GLMN: variants seen among roughly 807,000 people sequenced by gnomAD.
GLMN encodes the protein glomulin, FKBP associated protein, also known as glomulin.
A neutral mutation model predicts 87.8 loss-of-function variants in GLMN; 75 were observed. The observed-to-expected ratio is 0.85, with a 90% CI of 0.71 to 1.04. The LOEUF is 1.04. GLMN is among the 50% of genes least tolerant of loss of function. The pLI, the probability that GLMN is intolerant of heterozygous loss-of-function variation, is 0.00. For synonymous variants in GLMN, 206 were observed against 221.6 expected (o/e 0.93, Z 0.63); for missense variants, 588 against 658.8 (o/e 0.89, Z 1.18).
the GLMN span, among the ~76,000 whole-genome samples, chr1:92,328,566 ATTTC>A: frequency 6.6e-6 from 1 of 151,952 alleles, no homozygotes; most frequent in African/African-American, 2.4e-5. Flanking sequence ...GATTTGTTTG[ATTTC>A]TTTAAGTTGG....
chr1:92,277,615 A>C (rs1325549767), intron 7 of GLMN, among the ~76,000 whole-genome samples: 1 of 152,190 alleles, frequency 6.6e-6, no homozygotes, highest in Non-Finnish European at 1.5e-5. Flanking sequence ...CCAACGGTCA[A>C]TGATGTAATC....
At chr1:92,329,790 C>T in the GLMN span, among the ~76,000 whole-genome samples, 1 of 152,118 alleles carries the variant, frequency 6.6e-6, no homozygotes, top group African/African-American at 2.4e-5. Flanking sequence ...TGGATTTGGT[C>T]CTCCTAATAT....
the GLMN span, chr1:92,363,829 TTATTA>T: frequency 1.5e-5 from 4 of 259,328 alleles, no homozygotes; most frequent in Non-Finnish European, 2.3e-5. Flanking sequence ...CTAGCTTACT[TTATTA>T]TAAGGATCTA....
intron 4 of GLMN, among the ~76,000 whole-genome samples, chr1:92,290,546 T>C (rs1649288554): frequency 6.6e-6 from 1 of 152,228 alleles, no homozygotes; most frequent in South Asian, 2.1e-4. Flanking sequence ...TCAGGTTTCC[T>C]TTGAGCTTCA....
At chr1:92,322,569 C>CA in the GLMN span, among the ~76,000 whole-genome samples, 251 of 150,058 alleles carry the variant, frequency 1.7e-3, 1 homozygote, top group African/African-American at 5.7e-3. Context: ...AAATAAAATA[C>CA]AAAAAATAAA....
chr1:92,286,408 A>G lies in GLMN; in HGVS notation c.735+82T>C. 3 of 685,606 alleles carry G rather than the reference A, an allele frequency of 4.4e-6. No individual in the cohort carries two copies. In the South Asian group the frequency reaches 5.3e-5, roughly 12 times the overall value. 42.5% of individuals were successfully genotyped at this position (685,606 alleles called of 1,614,324 possible). On this transcript the variant is annotated intron_variant, in intron 7 of 18. Coordinates refer to ENST00000370360, the MANE Select transcript of GLMN (RefSeq NM_053274.3). ...AAAATACACATTTCTTTATTAATGAATGTATCAATTTACATGTGCAGTACT... is the reference window on the plus strand; with the variant it reads ...AAAATACACATTTCTTTATTAATGAGTGTATCAATTTACATGTGCAGTACT...
At chr1:92,313,711 C>G in the GLMN span, among the ~76,000 whole-genome samples, 4 of 152,216 alleles carry the variant, frequency 2.6e-5, no homozygotes, top group African/African-American at 9.6e-5. Flanking sequence ...TACTTCTCCT[C>G]TATAGCTATG....
rs774896447 is a variant in GLMN, at chr1:92,289,034, T to C, written c.512A>G (p.Tyr171Cys). 1.2e-6 allele frequency: 2 copies of C among 1,608,492 alleles called. No individual in the cohort carries two copies. Among genetic ancestry groups the C allele is most frequent in the East Asian group, 4.5e-5 (2 of 44,830 alleles). The change falls in exon 6 of 19, where the codon TAT becomes TGT. Residue 171 changes from tyrosine (Y) to cysteine (C), a missense_variant. By Grantham distance (194) the Tyr-to-Cys change is radical. Coordinates refer to ENST00000370360, the MANE Select transcript of GLMN (RefSeq NM_053274.3). ...YSKEQIQMDD[Y>C]GLCQCCKALI... Reference sequence around the variant, plus strand: ...GGCCTTGCAACACTGACAAAGGCCATAGTCATCCATTTGTATTTGTTCTTT... The same window carrying C: ...GGCCTTGCAACACTGACAAAGGCCACAGTCATCCATTTGTATTTGTTCTTT...
chr1:92,303,942 A>T, upstream of GLMN: 1 of 1,433,698 alleles, frequency 7.0e-7, no homozygotes, highest in Non-Finnish European at 9.7e-7. Context: ...TTTTCTATTA[A>T]ACTAGGAGGA....
chr1:92,256,720 ACT>A (rs1254498692), intron 16 of GLMN, among the ~76,000 whole-genome samples: 2 of 152,082 alleles, frequency 1.3e-5, no homozygotes, highest in Admixed American at 6.6e-5. Context: ...CATGCTAAAA[ACT>A]CTCAATAAAC....
chr1:92,259,461 A>G (rs1025452687), intron 16 of GLMN, among the ~76,000 whole-genome samples: 4 of 152,188 alleles, frequency 2.6e-5, no homozygotes, highest in East Asian at 1.9e-4. Flanking sequence ...TACGAAGAGA[A>G]TAAGTCAGTT....
At chr1:92,283,820 C>T (rs1648388456) in intron 7 of GLMN, among the ~76,000 whole-genome samples, 1 of 152,236 alleles carries the variant, frequency 6.6e-6, no homozygotes, top group South Asian at 2.1e-4. Flanking sequence ...TTCCTATACA[C>T]CAATAATAGA....
rs1180372875 is a variant in GLMN at position 92,291,282 on chromosome 1, G to T, written c.285+136C>A. 3 of 769,414 alleles carry T rather than the reference G, an allele frequency of 3.9e-6. No individual in the cohort carries two copies. In the Admixed American group the frequency reaches 7.1e-5, roughly 18 times the overall value. The allele number at this position is 769,414 out of a possible 1,614,324, so 47.7% of individuals were successfully genotyped here. On this transcript the variant is annotated intron_variant, in intron 4 of 18. Transcript: ENST00000370360. The stretch of plus-strand genomic sequence containing the variant: ...TTGCCTATCCAATCAATAAGACTGG[G>T]TCTTTTCTCCAACGAGTTCCTTTCT...
chr1:92,355,283 A>C, the GLMN span, among the ~76,000 whole-genome samples: 5 of 152,150 alleles, frequency 3.3e-5, no homozygotes, highest in East Asian at 9.7e-4. Flanking sequence ...TTTTGTTCCT[A>C]ACTATCAGTG....
the GLMN span, among the ~76,000 whole-genome samples, chr1:92,313,618 T>C: frequency 6.6e-6 from 1 of 152,040 alleles, no homozygotes; most frequent in East Asian, 1.9e-4. Context: ...TAAATAAGCA[T>C]TGGCTTCAAC....
chr1:92,298,529 G>A (rs962900217), intron 1 of GLMN, among the ~76,000 whole-genome samples: 1 of 152,188 alleles, frequency 6.6e-6, no homozygotes, highest in Non-Finnish European at 1.5e-5. Flanking sequence ...TATAGGGGGT[G>A]AAGATTCAGA....
At chr1:92,304,238 G>T in the GLMN span, 1 of 1,302,898 alleles carries the variant, frequency 7.7e-7, no homozygotes, top group Non-Finnish European at 1.1e-6. Flanking sequence ...TAACGTTCAT[G>T]TTTATTATTT....
intron 3 of GLMN, 64 bp from the exon 4 acceptor site, chr1:92,291,601 C>CTCGCAGT (rs1649420595): frequency 6.5e-7 from 1 of 1,535,314 alleles, no homozygotes; most frequent in Non-Finnish European, 9.0e-7. Flanking sequence ...AGTGTGCTTT[C>CTCGCAGT]CTATCTTGGA....
chr1:92,300,230 C>T, upstream of GLMN: 1 of 1,608,576 alleles, frequency 6.2e-7, no homozygotes, highest in Non-Finnish European at 8.5e-7. Flanking sequence ...CAAGAAGATG[C>T]TTCTAAAAGG....
Sources: allele counts gnomAD v4.1 joint callset (sites outside exome capture counted in the v4.1 genomes callset), GRCh38; gene constraint gnomAD v4.1.1; transcripts MANE v1.5; gene names NCBI Gene and HGNC (gene_info 2026-07-23, HGNC 2026-07-21).